The following SORCS2 variants were observed in gnomAD, a reference collection of about 807,000 sequenced individuals.
The protein encoded by SORCS2 is VPS10 domain-containing receptor SorCS2.
SORCS2 carries 100 observed loss-of-function variants against 141.6 expected under a neutral mutation model. That is an observed-to-expected ratio of 0.71 (90% CI 0.60 to 0.83). The LOEUF (loss-of-function observed/expected upper bound fraction) is 0.83. SORCS2 is among the 40% of genes least tolerant of loss of function. The pLI is 0.00. For missense variants in SORCS2, 1,646 were observed against 1,560.2 expected (o/e 1.05, Z -0.93); for synonymous variants, 789 against 676.9 (o/e 1.17, Z -2.57).
At chr4:7,466,838 G>C (rs1471699444) in intron 2 of SORCS2, among the ~76,000 whole-genome samples, 1 of 152,182 alleles carries the variant, frequency 6.6e-6, no homozygotes, top group Non-Finnish European at 1.5e-5. Context: ...GGGAGGTCCT[G>C]GAACCTGGTT....
At chr4:7,735,478 C>A (rs796774965) in intron 25 of SORCS2, 12 of 154,534 alleles carry the variant, frequency 7.8e-5, no homozygotes, top group African/African-American at 2.9e-4. Flanking sequence ...CGTCCAGGAG[C>A]TCCTTACCCA....
chr4:7,499,323 G>A (rs1478506328), intron 2 of SORCS2, among the ~76,000 whole-genome samples: 1 of 152,180 alleles, frequency 6.6e-6, no homozygotes, highest in Admixed American at 6.5e-5. Flanking sequence ...AACTCAGGAG[G>A]GAGTGTGATG....
At chr4:7,399,580 C>A (rs1476929553) in intron 2 of SORCS2, among the ~76,000 whole-genome samples, 2 of 152,124 alleles carry the variant, frequency 1.3e-5, no homozygotes, top group African/African-American at 4.8e-5. Context: ...CAATCTCAGG[C>A]CCCCTTGAAT....
intron 4 of SORCS2, among the ~76,000 whole-genome samples, chr4:7,639,451 C>T (rs897841625): frequency 6.7e-6 from 1 of 150,002 alleles, no homozygotes; most frequent in Admixed American, 6.6e-5. Context: ...TGTGTGAGTG[C>T]ATGTGTGTGG....
intron 3 of SORCS2, among the ~76,000 whole-genome samples, chr4:7,588,911 G>A (rs542195446): frequency 1.3e-4 from 20 of 152,200 alleles, no homozygotes; most frequent in African/African-American, 4.1e-4. Context: ...TATCGGAACC[G>A]CTTCACAGAG....
intron 3 of SORCS2, among the ~76,000 whole-genome samples, chr4:7,617,589 T>C (rs900003935): frequency 1.3e-5 from 2 of 152,090 alleles, no homozygotes; most frequent in Non-Finnish European, 2.9e-5. Flanking sequence ...CATGGAACCA[T>C]GGTGGGGGAT....
rs541906185 is a variant in SORCS2 at position 7,549,193 on chromosome 4, T to C, written c.648+17564T>C. Among the ~76,000 whole-genome samples, 239 of 152,306 alleles carry C rather than the reference T, an allele frequency of 1.6e-3. 2 individuals carry two copies. The highest frequency in any genetic ancestry group is 5.4e-3 in the African/African-American group (224 of 41,550). ...GATGCTGCTCTTGGTACATTTCTTC[T>C]ATCTCTACTGGTTTTTTATTAAAAA... On this transcript the variant is annotated intron_variant, in intron 3 of 26. Transcript: ENST00000507866.
intron 1 of SORCS2, among the ~76,000 whole-genome samples, chr4:7,218,496 A>G (rs1728508808): frequency 6.6e-6 from 1 of 152,244 alleles, no homozygotes; most frequent in Non-Finnish European, 1.5e-5. Context: ...GCTTTAGCCC[A>G]CTGAAATAAT....
At chr4:7,258,708 T>C (rs1379145342) in intron 1 of SORCS2, among the ~76,000 whole-genome samples, 2 of 152,238 alleles carry the variant, frequency 1.3e-5, no homozygotes, top group Non-Finnish European at 2.9e-5. Context: ...TCTAGATCCT[T>C]GAGAAATAGC....
chr4:7,199,133 C>T (rs905494668), intron 1 of SORCS2, among the ~76,000 whole-genome samples: 4 of 152,184 alleles, frequency 2.6e-5, no homozygotes, highest in Admixed American at 6.5e-5. Context: ...TGCTCTCTCT[C>T]GACCTGGGCC....
chr4:7,403,985 ATATATATATATATTTTTTTTTTT>A lies in SORCS2; in HGVS notation c.548+7632_548+7654del, dbSNP rs1398122781. Among the ~76,000 whole-genome samples, 28 of 70,100 alleles carry A rather than the reference ATATATATATATATTTTTTTTTTT, an allele frequency of 4.0e-4. 2 individuals carry two copies. The highest frequency in any genetic ancestry group is 6.5e-4 in the Non-Finnish European group (26 of 40,096). The allele number at this position is 70,100 out of a possible 152,430, so 46.0% of individuals were successfully genotyped here. A position where few individuals can be genotyped will look rare whatever the true frequency, so the allele number is the denominator to read the frequency against. On this transcript the variant is annotated intron_variant, in intron 2 of 26. Coordinates refer to ENST00000507866, the MANE Select transcript of SORCS2 (RefSeq NM_020777.3). ...TGTATATATATATATATATATATAT[ATATATATATATATTTTTTTTTTT>A]TTTTTAGTATCCATTTATGAGTGAG...
In SORCS2 at chr4:7,564,757, A is replaced by T. The variant is rs1212463791; in HGVS notation, c.648+33128A>T. Among the ~76,000 whole-genome samples, 7 of 152,370 alleles carry T rather than the reference A, an allele frequency of 4.6e-5. No individual in the cohort carries two copies. The South Asian group carries it at 1.5e-3, about 32-fold the overall frequency. ...ACAGCACAAAAGCTCTACAGAAGAC[A>T]GGCCCCATGCCACAGTCGCTGTTAC... On this transcript the variant is annotated intron_variant, in intron 3 of 26. Coordinates refer to ENST00000507866, the MANE Select transcript of SORCS2 (RefSeq NM_020777.3).
At chr4:7,519,914 C>T (rs751165101) in intron 2 of SORCS2, among the ~76,000 whole-genome samples, 2 of 152,220 alleles carry the variant, frequency 1.3e-5, no homozygotes, top group Admixed American at 6.5e-5. Context: ...GTTAAGCAGG[C>T]GGGGCAGGGA....
intron 19 of SORCS2, among the ~76,000 whole-genome samples, chr4:7,724,311 TGGTGGTGGTGGTGATAG>T (rs1246670740): frequency 1.5e-5 from 2 of 137,512 alleles, no homozygotes; most frequent in Non-Finnish European, 3.2e-5. Context: ...ACAATGGTGG[TGGTGGTGGTGGTGATAG>T]GGTGATGGTG....
At chr4:7,725,312 G>C in intron 20 of SORCS2, 25 bp downstream of exon 20, 1 of 1,605,534 alleles carries the variant, frequency 6.2e-7, no homozygotes, top group South Asian at 1.1e-5. Flanking sequence ...CCCCAACTCA[G>C]CCCTTCTTCC....
chr4:7,512,889 C>A (rs933299672), intron 2 of SORCS2, among the ~76,000 whole-genome samples: 5 of 152,216 alleles, frequency 3.3e-5, no homozygotes, highest in African/African-American at 9.6e-5. Context: ...CCTGCGGGCC[C>A]TGCCCCTCCA....
At chr4:7,489,969 A>G (rs1206821985) in intron 2 of SORCS2, among the ~76,000 whole-genome samples, 1 of 152,102 alleles carries the variant, frequency 6.6e-6, no homozygotes, top group Non-Finnish European at 1.5e-5. Context: ...CTCCTTCTAT[A>G]GGTGGAGGGT....
intron 2 of SORCS2, among the ~76,000 whole-genome samples, chr4:7,401,265 G>GGATAGACAGATGAATGGATTGATGGATT (rs1220504662): frequency 2.0e-5 from 3 of 152,022 alleles, no homozygotes; most frequent in African/African-American, 7.2e-5. Context: ...ATTGATGGAT[G>GGATAGACAGATGAATGGATTGATGGATT]GATAGACAGA....
intron 1 of SORCS2, among the ~76,000 whole-genome samples, chr4:7,385,692 C>T (rs1193077439): frequency 6.6e-6 from 1 of 152,208 alleles, no homozygotes; most frequent in Non-Finnish European, 1.5e-5. Context: ...GAGCCACCAC[C>T]GTTCCCATGT....
Sources: gnomAD v4.1 joint callset for allele counts (sites outside exome capture counted in the v4.1 genomes callset) on GRCh38, gnomAD v4.1.1 for gene constraint, MANE v1.5 for transcripts, NCBI Gene and HGNC (gene_info 2026-07-23, HGNC 2026-07-21) for gene names.